MALRD1: variants seen among roughly 807,000 people sequenced by gnomAD.
The protein encoded by MALRD1 is MAM and LDL-receptor class A domain-containing protein 1.
A neutral mutation model predicts 242.1 loss-of-function variants in MALRD1; 247 were observed. The observed-to-expected ratio is 1.02, with a 90% CI of 0.92 to 1.13. The LOEUF (loss-of-function observed/expected upper bound fraction) is 1.13. MALRD1 is among the 50% of genes most tolerant of loss of function. The pLI, the probability that MALRD1 is intolerant of heterozygous loss-of-function variation, is 0.00. For synonymous variants in MALRD1, 995 were observed against 866.6 expected (o/e 1.15, Z -2.60); for missense variants, 2,989 against 2,533.1 (o/e 1.18, Z -3.86).
intron 14 of MALRD1, among the ~76,000 whole-genome samples, chr10:19,199,682 T>C (rs953719993): frequency 6.6e-6 from 1 of 151,984 alleles, no homozygotes; most frequent in African/African-American, 2.4e-5. Context: ...GCACCTGTAA[T>C]CCCAGCTACT....
chr10:19,259,666 G>A (rs1310478503), intron 19 of MALRD1, among the ~76,000 whole-genome samples: 1 of 152,070 alleles, frequency 6.6e-6, no homozygotes, highest in Non-Finnish European at 1.5e-5. Flanking sequence ...TGAGATTTGG[G>A]TAGGGACACA....
intron 29 of MALRD1, among the ~76,000 whole-genome samples, chr10:19,480,417 A>C (rs1836942881): frequency 6.6e-6 from 1 of 152,184 alleles, no homozygotes; most frequent in African/African-American, 2.4e-5. Context: ...CTAGCAGTTG[A>C]AAGTCTGGAC....
At position 19,116,824 on chromosome 10, in the gene MALRD1, C is replaced by G. The variant is rs554726501; in HGVS notation, c.695-6668C>G. ...AGAAAAAGAGTTGGGCACAGTGGCT[C>G]ACACCTGTAGTCTCAGCACTTTGGG... On this transcript the variant is annotated intron_variant, in intron 5 of 39. Transcript: ENST00000454679. Among the ~76,000 whole-genome samples the G allele has an allele frequency of 7.9e-5, 12 of 152,274 alleles. No homozygotes were observed. In the South Asian group the frequency reaches 1.0e-3, roughly 13 times the overall value.
intron 27 of MALRD1, 167 bp from the exon 28 acceptor site, chr10:19,389,285 G>A (rs1846230173): frequency 2.6e-6 from 2 of 772,792 alleles, no homozygotes; most frequent in Non-Finnish European, 4.4e-6. Flanking sequence ...TGTTCTGTCA[G>A]CAAGCTAGAG....
intron 23 of MALRD1, among the ~76,000 whole-genome samples, chr10:19,327,914 A>T (rs1193564374): frequency 6.6e-6 from 1 of 152,092 alleles, no homozygotes; most frequent in Non-Finnish European, 1.5e-5. Context: ...TTTGAATAAA[A>T]ACCCTCCTTC....
intron 26 of MALRD1, among the ~76,000 whole-genome samples, chr10:19,363,967 T>A (rs1464013666): frequency 6.6e-6 from 1 of 152,006 alleles, no homozygotes; most frequent in Non-Finnish European, 1.5e-5. Flanking sequence ...GACAGAGTAG[T>A]GTTTTGTGAA....
chr10:19,163,137 T>TAAAAAAAAAAAAAAAAAAAA (rs58034381), intron 12 of MALRD1, among the ~76,000 whole-genome samples: 6 of 43,854 alleles, frequency 1.4e-4, no homozygotes, highest in African/African-American at 2.5e-4. Context: ...AAACCCTGTC[T>TAAAAAAAAAAAAAAAAAAAA]AAAAAAAAAA....
chr10:19,504,972 G>A (rs1467554197), intron 31 of MALRD1, among the ~76,000 whole-genome samples: 6 of 152,022 alleles, frequency 3.9e-5, no homozygotes, highest in African/African-American at 4.8e-5. Flanking sequence ...GTGAGCCACC[G>A]CGCCCGGCCT....
At chr10:19,705,100 T>C (rs536269395) in intron 38 of MALRD1, among the ~76,000 whole-genome samples, 137 of 152,326 alleles carry the variant, frequency 9.0e-4, no homozygotes, top group African/African-American at 3.2e-3. Context: ...ATGAAATATC[T>C]GTTCCTGTAA....
At chr10:19,461,407 G>T (rs1175632932) in intron 29 of MALRD1, among the ~76,000 whole-genome samples, 1 of 152,128 alleles carries the variant, frequency 6.6e-6, no homozygotes. Flanking sequence ...ACATTCTAAT[G>T]ATAATTTCTT....
At position 19,148,781 on chromosome 10, in the gene MALRD1, A is replaced by AT. The variant is rs1564423439; in HGVS notation, c.1558+2437_1558+2438insT. On this transcript the variant is annotated intron_variant, in intron 11 of 39. Transcript: ENST00000454679. The stretch of plus-strand genomic sequence containing the variant: ...TTTTAGAAAGGGCCAATTAAAAAAA[A>AT]AAAAAAAATATATATATATATATAT... Among the ~76,000 whole-genome samples the AT allele has an allele frequency of 8.6e-4, 75 of 87,084 alleles. 1 individual carries two copies. Among genetic ancestry groups the AT allele is most frequent in the African/African-American group, 2.2e-3 (51 of 22,850 alleles). 57.1% of individuals were successfully genotyped at this position (87,084 alleles called of 152,430 possible).
intron 28 of MALRD1, among the ~76,000 whole-genome samples, chr10:19,414,247 GA>G (rs1412398871): frequency 6.6e-6 from 1 of 152,042 alleles, no homozygotes; most frequent in African/African-American, 2.4e-5. Flanking sequence ...CTAGAGGGGG[GA>G]CAAGAAGTAA....
At chr10:19,175,184 A>G (rs1171549606) in intron 13 of MALRD1, 24 bp from the exon 14 acceptor site, 5 of 1,223,550 alleles carry the variant, frequency 4.1e-6, no homozygotes, top group Non-Finnish European at 4.1e-6. Flanking sequence ...TGTTTTTAAC[A>G]GTTTTATCTT....
intron 34 of MALRD1, among the ~76,000 whole-genome samples, chr10:19,597,139 A>G (rs750024807): frequency 1.4e-4 from 21 of 152,186 alleles, no homozygotes; most frequent in Non-Finnish European, 2.4e-4. Flanking sequence ...GATAAAGCCA[A>G]CCTGTCAGGT....
chr10:19,723,411 C>T (rs943704039), intron 38 of MALRD1, among the ~76,000 whole-genome samples: 18 of 152,010 alleles, frequency 1.2e-4, no homozygotes, highest in Non-Finnish European at 2.9e-5. Context: ...AAATGGTATT[C>T]CCTTTCACTT....
chr10:19,470,690 C>A (rs550229559), intron 29 of MALRD1, among the ~76,000 whole-genome samples: 65 of 151,816 alleles, frequency 4.3e-4, no homozygotes, highest in Non-Finnish European at 7.1e-4. Flanking sequence ...GTGATATTGT[C>A]CATGTTTTCA....
chr10:19,136,828 T>G (rs755189704), intron 10 of MALRD1, 47 bp downstream of exon 10: 2 of 1,173,458 alleles, frequency 1.7e-6, no homozygotes, highest in Non-Finnish European at 2.1e-6. Context: ...AATTCAAGAC[T>G]GTTAGTTGGA....
intron 32 of MALRD1, among the ~76,000 whole-genome samples, chr10:19,550,203 A>G (rs1835417489): frequency 1.3e-5 from 2 of 151,944 alleles, no homozygotes; most frequent in Admixed American, 6.6e-5. Context: ...TTGTTCTAAG[A>G]TTTGTTTTTT....
At chr10:19,627,183 A>C (rs115632856) in intron 36 of MALRD1, among the ~76,000 whole-genome samples, 2,940 of 152,276 alleles carry the variant, frequency 0.019, 108 homozygotes, top group African/African-American at 0.067. Context: ...TTGACATAAC[A>C]CACAGGAATT....
Sources: allele counts gnomAD v4.1 joint callset (sites outside exome capture counted in the v4.1 genomes callset), GRCh38; gene constraint gnomAD v4.1.1; transcripts MANE v1.5; gene names NCBI Gene and HGNC (gene_info 2026-07-23, HGNC 2026-07-21).